The following CMTR1 variants were observed in gnomAD, a reference collection of about 807,000 sequenced individuals.
The protein encoded by CMTR1 is cap-specific mRNA (nucleoside-2'-O-)-methyltransferase 1.
A neutral mutation model predicts 107.0 loss-of-function variants in CMTR1; 39 were observed. That is an observed-to-expected ratio of 0.36 (90% confidence interval 0.28 to 0.48). The LOEUF (loss-of-function observed/expected upper bound fraction) is 0.48, where lower values mean the gene tolerates loss of function less well. Among genes scored for constraint, CMTR1 ranks in the 20% least tolerant of loss-of-function variants. CMTR1 has a pLI of 0.99. For missense variants in CMTR1, 672 were observed against 1,064.9 expected, an observed-to-expected ratio of 0.63 and a Z score of 5.14; for synonymous variants, 366 against 379.5, an observed-to-expected ratio of 0.96 and a Z score of 0.41.
intron 1 of CMTR1, among the ~76,000 whole-genome samples, chr6:37,434,839 T>G (rs1463913048): frequency 5.3e-5 from 8 of 152,230 alleles, no homozygotes; most frequent in African/African-American, 1.7e-4. Flanking sequence ...CTTGAACTCC[T>G]GACCTCAGGT....
chr6:37,459,663 C>G lies in CMTR1; in HGVS notation c.1074C>G (p.Val358=). The G allele has an allele frequency of 1.9e-6, 3 of 1,613,942 alleles. No individual in the cohort carries two copies. Among genetic ancestry groups the G allele is most frequent in the Non-Finnish European group, 2.5e-6 (3 of 1,179,834 alleles). The change falls in exon 10 of 24, where the codon GTC becomes GTG. Residue 358 remains valine (V), a synonymous_variant. Transcript: ENST00000373451. The part of the protein sequence containing the change: ...FVLDNTDRKG[V]HFLMADGGFS... ...TGGATAACACAGATCGCAAGGGTGT[C>G]CATTTTCTGATGGCTGATGGGGTAG...
At chr6:37,435,825 A>T in intron 2 of CMTR1, 63 bp downstream of exon 2, 5 of 1,506,198 alleles carry the variant, frequency 3.3e-6, no homozygotes, top group Non-Finnish European at 4.4e-6. Flanking sequence ...ACAGTGTCTA[A>T]TCTAGGTGGA....
Position 37,450,234 on chromosome 6 carries a change from C to T in CMTR1, c.445-17C>T, listed in dbSNP as rs112444903. On this transcript the variant is annotated splice_polypyrimidine_tract_variant and intron_variant, in intron 4 of 23. Coordinates refer to ENST00000373451, the MANE Select transcript of CMTR1 (RefSeq NM_015050.3). The stretch of plus-strand genomic sequence containing the variant: ...GGTGTGTCATATCTGTCTTACTAGC[C>T]TCTCTTTTGTTTGCAGCCCAGTGCT... 1.9e-6 allele frequency: 3 copies of T among 1,608,926 alleles called. No individual in the cohort carries two copies.
At chr6:37,454,496 A>C (rs1359777158) in intron 8 of CMTR1, among the ~76,000 whole-genome samples, 1 of 152,236 alleles carries the variant, frequency 6.6e-6, no homozygotes, top group Non-Finnish European at 1.5e-5. Flanking sequence ...ATTTCCTTTA[A>C]ACCCCTGCCT....
chr6:37,434,542 C>A (rs1236040232), intron 1 of CMTR1, among the ~76,000 whole-genome samples: 2 of 152,160 alleles, frequency 1.3e-5, no homozygotes, highest in African/African-American at 2.4e-5. Flanking sequence ...TCACTTCATT[C>A]CATCTTATTT....
At chr6:37,476,256 G>A in intron 20 of CMTR1, 62 bp downstream of exon 20, 1 of 1,547,944 alleles carries the variant, frequency 6.5e-7, no homozygotes, top group Non-Finnish European at 8.9e-7. Flanking sequence ...CTCCCGTCCA[G>A]TGAGGGACAG....
chr6:37,443,891 A>G (rs1435957152), intron 2 of CMTR1, 108 bp from the exon 3 acceptor site: 5 of 1,204,134 alleles, frequency 4.2e-6, no homozygotes, highest in African/African-American at 1.5e-5. Flanking sequence ...AATGAACTTT[A>G]TATGTGCATT....
rs555213236 is a variant in CMTR1, at chr6:37,437,431, G to A, written c.133+1669G>A. ...ACTCCCAGCTACTCGGGAGGCTGAG[G>A]CAGGAGAATGGCGTGAACCCGGGAG... On this transcript the variant is annotated intron_variant, in intron 2 of 23. Coordinates refer to ENST00000373451, the MANE Select transcript of CMTR1 (RefSeq NM_015050.3). Among the ~76,000 whole-genome samples, 420 of 150,030 alleles carry A rather than the reference G, an allele frequency of 2.8e-3. 3 individuals carry two copies. Among genetic ancestry groups the A allele is most frequent in the African/African-American group, 1.0e-2 (404 of 40,566 alleles).
chr6:37,462,419 AGGCACT>A (rs1761418626), intron 12 of CMTR1, among the ~76,000 whole-genome samples: 1 of 152,226 alleles, frequency 6.6e-6, no homozygotes, highest in Non-Finnish European at 1.5e-5. Flanking sequence ...CGCTATCCAG[AGGCACT>A]ACTGGGGTCC....
rs149591587 is a variant in CMTR1 at position 37,459,712 on chromosome 6, T to C, written c.1095+28T>C. Reference sequence around the variant, plus strand: ...AGGTTACCTTTTTTCCATAGACTGATGCATTAAGGATTTGTTATTTTAGAG... The same window carrying C: ...AGGTTACCTTTTTTCCATAGACTGACGCATTAAGGATTTGTTATTTTAGAG... On this transcript the variant is annotated intron_variant, in intron 10 of 23. Coordinates refer to ENST00000373451, the MANE Select transcript of CMTR1 (RefSeq NM_015050.3). 10 of 1,446,994 alleles carry C rather than the reference T, an allele frequency of 6.9e-6. No homozygotes were observed. In the East Asian group the frequency reaches 2.3e-4, roughly 33 times the overall value. The allele number at this position is 1,446,994 out of a possible 1,614,324, so 89.6% of individuals were successfully genotyped here.
intron 17 of CMTR1, 100 bp downstream of exon 17, chr6:37,473,701 C>T: frequency 2.9e-6 from 4 of 1,376,526 alleles, no homozygotes; most frequent in Non-Finnish European, 4.0e-6. Context: ...GTTCTCTTGG[C>T]ATTAAGTAGC....
At chr6:37,448,207 T>C (rs1771847048) in intron 4 of CMTR1, among the ~76,000 whole-genome samples, 1 of 74,644 alleles carries the variant, frequency 1.3e-5, no homozygotes, top group Non-Finnish European at 2.5e-5. Flanking sequence ...AGAGATTCCG[T>C]CTCAAAAAAA....
rs1761340608 is a variant in CMTR1, at chr6:37,458,475, T to C, written c.778-137T>C. 4.0e-6 allele frequency: 3 copies of C among 751,516 alleles called. No individual in the cohort carries two copies. Among genetic ancestry groups the C allele is most frequent in the Admixed American group, 2.8e-5 (1 of 35,100 alleles). The allele number at this position is 751,516 out of a possible 1,614,324, so 46.6% of individuals were successfully genotyped here. ...GTTAATCACCAGAAGATACATTTCCTGGGTGCTGTAGCTCTGGTGGGAGCT... is the reference window on the plus strand; with the variant it reads ...GTTAATCACCAGAAGATACATTTCCCGGGTGCTGTAGCTCTGGTGGGAGCT... On this transcript the variant is annotated intron_variant, in intron 8 of 23. Transcript: ENST00000373451. The surrounding 1 kb of genome is among the most constrained non-coding windows in gnomAD (Gnocchi z 4.7).
In CMTR1 at chr6:37,458,803, C is replaced by A. The variant is rs1440500788; in HGVS notation, c.969C>A (p.Pro323=). ...CTGCTTCCAGTGAACTCTTCGAACC[C>A]TACTATGGTAGGGACATTGAGGAGG... ...FYSASSELFE[P]YYGEGGIDGD... is the part of the protein sequence containing the mutation. The change falls in exon 9 of 24, where the codon CCC becomes CCA. Residue 323 remains proline (P), a synonymous_variant. Transcript: ENST00000373451. The surrounding 1 kb of genome is among the most constrained non-coding windows in gnomAD (Gnocchi z 4.7). The A allele has an allele frequency of 6.2e-7, 1 of 1,613,976 alleles. No homozygotes were observed. Among genetic ancestry groups the A allele is most frequent in the Admixed American group, 1.7e-5 (1 of 60,018 alleles).
chr6:37,425,193 T>C, the CMTR1 span, among the ~76,000 whole-genome samples: 2 of 150,624 alleles, frequency 1.3e-5, no homozygotes, highest in East Asian at 1.9e-4. Context: ...CCGCCCGCCT[T>C]GGCCTCCCAA....
chr6:37,473,006 A>G (rs1454879133), intron 16 of CMTR1, among the ~76,000 whole-genome samples: 2 of 152,124 alleles, frequency 1.3e-5, no homozygotes, highest in Non-Finnish European at 2.9e-5. Flanking sequence ...GTCCCAGATC[A>G]TGGGCAATTG....
upstream of CMTR1, among the ~76,000 whole-genome samples, chr6:37,430,262 A>G (rs1283285928): frequency 3.9e-5 from 6 of 152,140 alleles, no homozygotes; most frequent in Non-Finnish European, 7.4e-5. Context: ...GAATCCTCAG[A>G]TAGTTGTTCC....
intron 21 of CMTR1, among the ~76,000 whole-genome samples, chr6:37,478,155 G>A (rs1761777493): frequency 6.6e-6 from 1 of 152,084 alleles, no homozygotes; most frequent in Non-Finnish European, 1.5e-5. Flanking sequence ...CCTTACTGGT[G>A]TCACCCTGAA....
chr6:37,451,379 T>C lies in CMTR1; in HGVS notation c.538-427T>C, dbSNP rs942875247. 1.6e-4 allele frequency among the ~76,000 whole-genome samples: 24 copies of C among 152,316 alleles called. 1 individual carries two copies. The highest frequency in any genetic ancestry group is 5.2e-4 in the Admixed American group (8 of 15,288). ...CCCTTAGCGTCCCTGTTTTCTGAAA[T>C]GCTACCAGGTCAGTGCCTGGTATCA... On this transcript the variant is annotated intron_variant, in intron 5 of 23. Coordinates refer to ENST00000373451, the MANE Select transcript of CMTR1 (RefSeq NM_015050.3).
Sources: gnomAD v4.1 joint callset for allele counts (sites outside exome capture counted in the v4.1 genomes callset) on GRCh38, gnomAD v4.1.1 for gene constraint, Gnocchi (gnomAD v3.1) non-coding constraint, MANE v1.5 for transcripts, NCBI Gene and HGNC (gene_info 2026-07-23, HGNC 2026-07-21) for gene names.